The following LDLRAD3 variants were observed in gnomAD, a reference collection of about 807,000 sequenced individuals.
The protein encoded by LDLRAD3 is low density lipoprotein receptor class A domain containing 3, also known as low-density lipoprotein receptor class A domain-containing protein 3.
LDLRAD3 carries 20 observed loss-of-function variants against 29.4 expected under a neutral mutation model. That is an observed-to-expected ratio of 0.68 (90% CI 0.48 to 0.99). The LOEUF is 0.99. LDLRAD3 is among the 50% of genes least tolerant of loss of function. The pLI is 0.00. For synonymous variants in LDLRAD3, 157 were observed against 192.7 expected (o/e 0.81, Z 1.53); for missense variants, 420 against 454.3 (o/e 0.92, Z 0.69).
intron 4 of LDLRAD3, among the ~76,000 whole-genome samples, chr11:36,166,139 A>G (rs1854512701): frequency 6.6e-6 from 1 of 152,132 alleles, no homozygotes; most frequent in African/African-American, 2.4e-5. Context: ...CATGATTTAT[A>G]GTTGTTTGGC....
chr11:36,047,754 TCA>T (rs1852471679), intron 2 of LDLRAD3, among the ~76,000 whole-genome samples: 7 of 152,210 alleles, frequency 4.6e-5, no homozygotes, highest in Admixed American at 3.9e-4. Context: ...GTACTTGGCC[TCA>T]GTTTCCTCAT....
intron 4 of LDLRAD3, among the ~76,000 whole-genome samples, chr11:36,181,247 A>T (rs5791087): frequency 0.88 from 133,278 of 151,274 alleles, 58,865 homozygotes; most frequent in East Asian, 0.97. Flanking sequence ...AAAAAAAAAA[A>T]TCTAAGAATT....
chr11:36,000,657 CTTAG>C (rs1433667600), intron 1 of LDLRAD3, among the ~76,000 whole-genome samples: 10 of 152,032 alleles, frequency 6.6e-5, no homozygotes, highest in African/African-American at 2.2e-4. Flanking sequence ...GTGTCTGGAA[CTTAG>C]TTTGTTGGGA....
intron 4 of LDLRAD3, among the ~76,000 whole-genome samples, chr11:36,179,528 A>G (rs1037513613): frequency 2.6e-5 from 4 of 152,168 alleles, no homozygotes; most frequent in Non-Finnish European, 5.9e-5. Flanking sequence ...GTCTCAGCTC[A>G]GAAGTTCATT....
chr11:36,135,667 T>C (rs774121829), intron 4 of LDLRAD3, among the ~76,000 whole-genome samples: 35 of 152,298 alleles, frequency 2.3e-4, no homozygotes, highest in Middle Eastern at 3.4e-3. Context: ...CCCAGCACTT[T>C]GGGAAGCCGA....
chr11:36,061,886 C>G (rs1171123772), intron 2 of LDLRAD3, among the ~76,000 whole-genome samples: 1 of 152,014 alleles, frequency 6.6e-6, no homozygotes, highest in African/African-American at 2.4e-5. Flanking sequence ...CATAAAATTG[C>G]CAGTTTGCAT....
chr11:36,222,585 C>A (rs1477356299), intron 4 of LDLRAD3, among the ~76,000 whole-genome samples: 1 of 151,992 alleles, frequency 6.6e-6, no homozygotes, highest in Non-Finnish European at 1.5e-5. Context: ...AAATGGTATC[C>A]GGTAGGAAAT....
chr11:36,081,649 G>A lies in LDLRAD3; in HGVS notation c.194-4G>A, dbSNP rs766718870. The A allele has an allele frequency of 1.2e-6, 2 of 1,614,170 alleles. No individual in the cohort carries two copies. The highest frequency in any genetic ancestry group is 3.3e-5 in the Admixed American group (2 of 60,008). ...TGTCTTGCTGTTTCTTTTTCTTCCT[G>A]CAGCCAAGGCTAAGTCGAAATGTGG... On this transcript the variant is annotated splice_region_variant and splice_polypyrimidine_tract_variant and intron_variant, in intron 2 of 5. Coordinates refer to ENST00000315571, the MANE Select transcript of LDLRAD3 (RefSeq NM_174902.4).
chr11:35,972,902 A>C (rs1430644714), intron 1 of LDLRAD3: 1 of 151,952 alleles, frequency 6.6e-6, no homozygotes, highest in Non-Finnish European at 1.5e-5. Flanking sequence ...AATACAAAAA[A>C]ATTAGCCAGG....
At chr11:36,224,951 C>T (rs1855479525) in intron 4 of LDLRAD3, among the ~76,000 whole-genome samples, 1 of 152,172 alleles carries the variant, frequency 6.6e-6, no homozygotes, top group Non-Finnish European at 1.5e-5. Flanking sequence ...GCAATAACAA[C>T]AGCACTCATT....
chr11:35,944,558 G>GC lies in LDLRAD3; in HGVS notation c.46+415dup, dbSNP rs1035602590. The stretch of plus-strand genomic sequence containing the variant: ...CATCTTCCCAGACGCCTGGTCGCGC[G>GC]CGGCTGCGTTAGCCTCCTCTGGGCC... On this transcript the variant is annotated intron_variant, in intron 1 of 5. Transcript: ENST00000315571. This position sits in a 1 kb window ranked among gnomAD's most constrained non-coding sequence, Gnocchi z 4.9. Among the ~76,000 whole-genome samples the GC allele has an allele frequency of 6.6e-6, 1 of 152,168 alleles. No individual in the cohort carries two copies. The highest frequency in any genetic ancestry group is 2.4e-5 in the African/African-American group (1 of 41,450).
intron 4 of LDLRAD3, among the ~76,000 whole-genome samples, chr11:36,140,654 C>A (rs567574070): frequency 1.3e-5 from 2 of 152,046 alleles, no homozygotes; most frequent in Non-Finnish European, 2.9e-5. Context: ...CTCCTGGGAT[C>A]GAGCGATCTG....
intron 1 of LDLRAD3, among the ~76,000 whole-genome samples, chr11:36,025,631 T>C (rs890854402): frequency 7.9e-5 from 12 of 152,032 alleles, no homozygotes; most frequent in East Asian, 3.9e-4. Flanking sequence ...CCTTGTGATC[T>C]GCCCGCCTCG....
At chr11:36,163,789 A>G (rs1854477685) in intron 4 of LDLRAD3, among the ~76,000 whole-genome samples, 1 of 152,192 alleles carries the variant, frequency 6.6e-6, no homozygotes, top group Non-Finnish European at 1.5e-5. Flanking sequence ...GAAAAGCTTT[A>G]GATTTGATAT....
chr11:36,137,280 C>A (rs1274208046), intron 4 of LDLRAD3, among the ~76,000 whole-genome samples: 2 of 152,166 alleles, frequency 1.3e-5, no homozygotes, highest in Admixed American at 6.5e-5. Flanking sequence ...GCTGGGGTAG[C>A]CAGAACATTT....
chr11:36,039,303 G>A (rs1219093629), intron 2 of LDLRAD3, among the ~76,000 whole-genome samples: 2 of 152,188 alleles, frequency 1.3e-5, no homozygotes, highest in Non-Finnish European at 2.9e-5. Context: ...CAGCCTAGGA[G>A]TGAGGGTGTG....
intron 1 of LDLRAD3, among the ~76,000 whole-genome samples, chr11:36,023,201 A>G (rs1852120325): frequency 6.6e-6 from 1 of 152,190 alleles, no homozygotes; most frequent in Admixed American, 6.5e-5. Flanking sequence ...TGCTTTCCCA[A>G]TCAGAAGTGA....
intron 1 of LDLRAD3, among the ~76,000 whole-genome samples, chr11:36,019,844 C>A (rs1852071672): frequency 6.6e-6 from 1 of 152,192 alleles, no homozygotes. Flanking sequence ...GGAGGCGTGA[C>A]TGAGAGGCGG....
At chr11:36,080,241 G>T (rs1853090182) in intron 2 of LDLRAD3, among the ~76,000 whole-genome samples, 1 of 152,168 alleles carries the variant, frequency 6.6e-6, no homozygotes, top group African/African-American at 2.4e-5. Context: ...GTAGCAATAG[G>T]TCTCATCTTA....
Sources: gnomAD v4.1 joint callset for allele counts (sites outside exome capture counted in the v4.1 genomes callset) on GRCh38, gnomAD v4.1.1 for gene constraint, Gnocchi (gnomAD v3.1) non-coding constraint, MANE v1.5 for transcripts, NCBI Gene and HGNC (gene_info 2026-07-23, HGNC 2026-07-21) for gene names.